The following HACL1 variants were observed in gnomAD, a reference collection of about 807,000 sequenced individuals.
HACL1 encodes 1600020H07Rik.
HACL1 carries 64 observed loss-of-function variants against 74.2 expected under a neutral mutation model. The ratio of observed to expected loss-of-function variants is 0.86; its 90% confidence interval spans 0.70 to 1.06. HACL1 has a LOEUF of 1.06. HACL1 is among the 50% of genes least tolerant of loss of function. The pLI is 0.00. For missense variants in HACL1, 728 were observed against 719.7 expected (o/e 1.01, Z -0.13); for synonymous variants, 230 against 238.8 (o/e 0.96, Z 0.34).
chr3:15,578,363 G>C, intron 9 of HACL1, among the ~76,000 whole-genome samples: 1 of 152,034 alleles, frequency 6.6e-6, no homozygotes, highest in East Asian at 1.9e-4. Flanking sequence ...AAAAGTTATA[G>C]TATATTAAAA....
chr3:15,601,232 C>T (rs947048410), intron 1 of HACL1, 38 bp from the exon 2 acceptor site: 4 of 1,550,970 alleles, frequency 2.6e-6, no homozygotes, highest in Non-Finnish European at 3.6e-6. Context: ...CTCCCAAGGC[C>T]CCACCATATC....
At chr3:15,593,099 A>G (rs1327004808) in intron 3 of HACL1, among the ~76,000 whole-genome samples, 5 of 140,210 alleles carry the variant, frequency 3.6e-5, no homozygotes, top group African/African-American at 6.1e-5. Context: ...ACATATACAT[A>G]TATGTGTGTG....
At position 15,601,458 on chromosome 3, in the gene HACL1, C is replaced by G. The variant is rs147948152; in HGVS notation, c.6G>C (p.Pro2=). The G allele has an allele frequency of 6.2e-7, 1 of 1,613,106 alleles. No homozygotes were observed. Among genetic ancestry groups the G allele is most frequent in the Non-Finnish European group, 8.5e-7 (1 of 1,180,034 alleles). The change falls in exon 1 of 17, where the codon CCG becomes CCC. Residue 2 remains proline, a synonymous_variant. Transcript: ENST00000321169. Reference sequence around the variant, plus strand: ...CGCTGCGCTCTGCGAAGTTACTGTCCGGCATCTTCCACCGAAAAGCTCTAA... The same window carrying G: ...CGCTGCGCTCTGCGAAGTTACTGTCGGGCATCTTCCACCGAAAAGCTCTAA... M[P]DSNFAERSEE...
intron 8 of HACL1, among the ~76,000 whole-genome samples, chr3:15,580,486 C>T (rs1467669153): frequency 2.6e-5 from 4 of 152,172 alleles, no homozygotes; most frequent in Non-Finnish European, 5.9e-5. Context: ...CAGTTTTTAT[C>T]GCTGGTATTT....
chr3:15,592,486 T>A (rs1304233274), intron 3 of HACL1, among the ~76,000 whole-genome samples: 6 of 105,838 alleles, frequency 5.7e-5, no homozygotes, highest in African/African-American at 8.8e-5. Context: ...ATACATACAC[T>A]TGTATACATA....
In HACL1 at chr3:15,573,553, T is replaced by C. The variant is rs111570023; in HGVS notation, c.910-311A>G. Among the ~76,000 whole-genome samples the C allele has an allele frequency of 7.2e-5, 11 of 152,344 alleles. No individual in the cohort carries two copies. In the East Asian group the frequency reaches 9.6e-4, roughly 13 times the overall value. On this transcript the variant is annotated intron_variant, in intron 10 of 16. Coordinates refer to ENST00000321169, the MANE Select transcript of HACL1 (RefSeq NM_012260.4). ...TTTTGCATCTAATCAGTAAGTTCTATTGAATTACATTTGGAATTCCTATCT... is the reference window on the plus strand; with the variant it reads ...TTTTGCATCTAATCAGTAAGTTCTACTGAATTACATTTGGAATTCCTATCT...
rs1388890670 is a variant in HACL1 at position 15,601,079 on chromosome 3, T to G, written c.186+11A>C. The G allele has an allele frequency of 1.9e-6, 3 of 1,559,582 alleles. No homozygotes were observed. The Admixed American group carries it at 5.0e-5, about 26-fold the overall frequency. Reference sequence around the variant, plus strand: ...CCAGTAACGCATTCAGCCACCTGAGTCCATACTCACCGCTTGCTCATTCCT... The same window carrying G: ...CCAGTAACGCATTCAGCCACCTGAGGCCATACTCACCGCTTGCTCATTCCT... On this transcript the variant is annotated intron_variant, in intron 2 of 16. Transcript: ENST00000321169.
At chr3:15,563,272 A>C in intron 16 of HACL1, 86 bp downstream of exon 16, 1 of 841,702 alleles carries the variant, frequency 1.2e-6, no homozygotes, top group South Asian at 1.6e-5. Flanking sequence ...TGGATGATAG[A>C]GGGTGTTCTG....
chr3:15,566,738 T>G (rs1441359598), intron 14 of HACL1, among the ~76,000 whole-genome samples: 3 of 148,440 alleles, frequency 2.0e-5, no homozygotes, highest in Non-Finnish European at 1.5e-5. Flanking sequence ...TTCCTACTTT[T>G]TTTTTTTCAA....
chr3:15,569,402 G>A (rs1265550618), intron 12 of HACL1, among the ~76,000 whole-genome samples: 1 of 152,186 alleles, frequency 6.6e-6, no homozygotes, highest in Non-Finnish European at 1.5e-5. Flanking sequence ...ATTGAGACTG[G>A]TGGCCAGGCA....
chr3:15,569,947 G>A (rs1186761434), intron 12 of HACL1, among the ~76,000 whole-genome samples: 8 of 151,110 alleles, frequency 5.3e-5, no homozygotes, highest in Non-Finnish European at 1.2e-4. Flanking sequence ...CTGAGATCGC[G>A]CCACTGCACT....
chr3:15,601,282 C>A (rs908968665), intron 1 of HACL1, 88 bp from the exon 2 acceptor site: 3 of 1,555,444 alleles, frequency 1.9e-6, no homozygotes, highest in Non-Finnish European at 2.7e-6. Flanking sequence ...AAAAGGAAAA[C>A]CCCCCGACCC....
intron 12 of HACL1, among the ~76,000 whole-genome samples, chr3:15,569,365 T>G (rs2063484952): frequency 6.6e-6 from 1 of 152,224 alleles, no homozygotes; most frequent in Admixed American, 6.5e-5. Flanking sequence ...AAGAAAAGAT[T>G]AGTCATGATA....
chr3:15,599,471 T>C (rs1284514016), intron 2 of HACL1, among the ~76,000 whole-genome samples: 1 of 151,910 alleles, frequency 6.6e-6, no homozygotes. Context: ...ATCGCCCACC[T>C]GTTTAGAAAA....
intron 3 of HACL1, among the ~76,000 whole-genome samples, chr3:15,593,109 GTATA>G: frequency 6.9e-6 from 1 of 144,296 alleles, no homozygotes; most frequent in Non-Finnish European, 1.5e-5. Context: ...ATATGTGTGT[GTATA>G]TATACACACA....
Position 15,560,888 on chromosome 3 carries a change from A to T in HACL1, c.1714T>A (p.Trp572Arg). 15 of 1,606,236 alleles carry T rather than the reference A, an allele frequency of 9.3e-6. No individual in the cohort carries two copies. The highest frequency in any genetic ancestry group is 1.3e-5 in the Non-Finnish European group (15 of 1,173,324). The change falls in exon 17 of 17, where the codon TGG (tryptophan) becomes AGG (arginine). Residue 572 changes from tryptophan (W) to arginine (R), a missense_variant. Transcript: ENST00000321169. ...ATTTACATATTAGAGCGGGTCAGCCAATGAAAATCCTAGAAAAAGAAGACA... is the reference window on the plus strand; with the variant it reads ...ATTTACATATTAGAGCGGGTCAGCCTATGAAAATCCTAGAAAAAGAAGACA... ...QATRKAQDFH[W>R]LTRSNM
rs1421783099 is a variant in HACL1, at chr3:15,580,298, T to C, written c.668-253A>G. Among the ~76,000 whole-genome samples the C allele has an allele frequency of 2.6e-5, 4 of 152,142 alleles. No homozygotes were observed. In the South Asian group the frequency reaches 8.3e-4, roughly 32 times the overall value. On this transcript the variant is annotated intron_variant, in intron 8 of 16. Coordinates refer to ENST00000321169, the MANE Select transcript of HACL1 (RefSeq NM_012260.4). ...ACACATCACCACCGCACTCAGCTAC[T>C]TTTAAAATTTTCTGTATAGACGAGG...
At chr3:15,601,240 A>G (rs752553504) in intron 1 of HACL1, 46 bp from the exon 2 acceptor site, 3 of 1,540,486 alleles carry the variant, frequency 1.9e-6, no homozygotes, top group South Asian at 2.2e-5. Flanking sequence ...GCCCCACCAT[A>G]TCGCCACATC....
At chr3:15,598,670 T>C (rs930149095) in intron 2 of HACL1, among the ~76,000 whole-genome samples, 1 of 152,256 alleles carries the variant, frequency 6.6e-6, no homozygotes, top group African/African-American at 2.4e-5. Context: ...GATTACTCTA[T>C]GGATCTAATC....
Sources: gnomAD v4.1 joint callset for allele counts (sites outside exome capture counted in the v4.1 genomes callset) on GRCh38, gnomAD v4.1.1 for gene constraint, MANE v1.5 for transcripts, NCBI Gene and HGNC (gene_info 2026-07-23, HGNC 2026-07-21) for gene names.